The following MAN1A1 variants were observed in gnomAD, a reference collection of about 807,000 sequenced individuals.
MAN1A1 encodes the protein mannosyl-oligosaccharide 1,2-alpha-mannosidase IA.
A neutral mutation model predicts 70.8 loss-of-function variants in MAN1A1; 29 were observed. The observed-to-expected ratio is 0.41, with a 90% CI of 0.31 to 0.56. The LOEUF is 0.56. Ranked by LOEUF, MAN1A1 falls within the 20% of genes least tolerant of loss-of-function variation. The pLI, the probability that MAN1A1 is intolerant of heterozygous loss-of-function variation, is 0.29. For synonymous variants in MAN1A1, 349 were observed against 330.1 expected (o/e 1.06, Z -0.62); for missense variants, 747 against 841.3 (o/e 0.89, Z 1.39).
chr6:119,255,520 C>A (rs1403655707), intron 5 of MAN1A1, among the ~76,000 whole-genome samples: 2 of 152,106 alleles, frequency 1.3e-5, no homozygotes. Flanking sequence ...TTAGAGTAGA[C>A]CCTTGAAAGA....
chr6:119,251,482 TTTACCCA>T (rs2114330924), intron 5 of MAN1A1, among the ~76,000 whole-genome samples: 1 of 152,314 alleles, frequency 6.6e-6, no homozygotes, highest in East Asian at 1.9e-4. Context: ...CTGATCCAAA[TTTACCCA>T]TTCTTTAAGG....
intron 2 of MAN1A1, among the ~76,000 whole-genome samples, chr6:119,341,354 G>A (rs1266420006): frequency 6.6e-6 from 1 of 152,170 alleles, no homozygotes; most frequent in Non-Finnish European, 1.5e-5. Context: ...TAGGGCTGAG[G>A]AGGAGGGAGG....
chr6:119,255,523 T>C (rs1335380837), intron 5 of MAN1A1, among the ~76,000 whole-genome samples: 3 of 152,188 alleles, frequency 2.0e-5, no homozygotes, highest in Non-Finnish European at 4.4e-5. Context: ...GAGTAGACCC[T>C]TGAAAGATTT....
chr6:119,265,118 T>TA, intron 5 of MAN1A1, among the ~76,000 whole-genome samples: 1 of 143,248 alleles, frequency 7.0e-6, no homozygotes, highest in East Asian at 2.2e-4. Flanking sequence ...TTTTTTTTTT[T>TA]AAGACAAGGT....
intron 2 of MAN1A1, among the ~76,000 whole-genome samples, chr6:119,342,336 A>T (rs1398561503): frequency 6.6e-6 from 1 of 152,190 alleles, no homozygotes; most frequent in Non-Finnish European, 1.5e-5. Flanking sequence ...CAGCATATGG[A>T]TCAATGCAAT....
chr6:119,290,892 G>C, intron 4 of MAN1A1, 129 bp from the exon 5 acceptor site: 1 of 594,288 alleles, frequency 1.7e-6, no homozygotes. Flanking sequence ...ATATACAGGG[G>C]GAAATGTTCT....
At chr6:119,328,535 G>A (rs1203001738) in intron 2 of MAN1A1, among the ~76,000 whole-genome samples, 1 of 145,302 alleles carries the variant, frequency 6.9e-6, no homozygotes, top group Non-Finnish European at 1.5e-5. Context: ...AAAACAAAGT[G>A]AGTCATAAAA....
At chr6:119,218,560 A>T (rs577252712) in intron 6 of MAN1A1, among the ~76,000 whole-genome samples, 128 of 145,434 alleles carry the variant, frequency 8.8e-4, no homozygotes, top group African/African-American at 3.1e-3. Flanking sequence ...TAACATCGAT[A>T]AAAAAAAAAA....
At chr6:119,325,239 C>T (rs1176302536) in intron 2 of MAN1A1, among the ~76,000 whole-genome samples, 2 of 152,192 alleles carry the variant, frequency 1.3e-5, no homozygotes, top group Non-Finnish European at 2.9e-5. Flanking sequence ...TCACTGGACA[C>T]ATCAAAGAGC....
chr6:119,187,837 C>G (rs1299070518), intron 11 of MAN1A1, among the ~76,000 whole-genome samples: 1 of 152,144 alleles, frequency 6.6e-6, no homozygotes, highest in Non-Finnish European at 1.5e-5. Context: ...ATACTATCCT[C>G]AGCAGGAAGA....
chr6:119,196,477 C>T (rs1046706192), intron 8 of MAN1A1, among the ~76,000 whole-genome samples: 1 of 151,988 alleles, frequency 6.6e-6, no homozygotes, highest in Non-Finnish European at 1.5e-5. Flanking sequence ...GGAGAGCAGG[C>T]CCGAATTTAT....
At chr6:119,325,403 A>C (rs1773119568) in intron 2 of MAN1A1, among the ~76,000 whole-genome samples, 1 of 152,214 alleles carries the variant, frequency 6.6e-6, no homozygotes, top group South Asian at 2.1e-4. Context: ...CACACCTATA[A>C]TCCCAGCACT....
intron 2 of MAN1A1, among the ~76,000 whole-genome samples, chr6:119,320,451 A>G (rs548130961): frequency 4.6e-4 from 70 of 152,240 alleles, no homozygotes; most frequent in Non-Finnish European, 8.7e-4. Flanking sequence ...GAGAAAACAG[A>G]AGTTTTTCTC....
chr6:119,337,313 A>G (rs773208300), intron 2 of MAN1A1, among the ~76,000 whole-genome samples: 18 of 152,216 alleles, frequency 1.2e-4, no homozygotes, highest in Non-Finnish European at 2.5e-4. Flanking sequence ...GAGTATATAC[A>G]TTAGAAAGGA....
At chr6:119,243,166 T>C (rs1388554600) in intron 6 of MAN1A1, among the ~76,000 whole-genome samples, 1 of 152,126 alleles carries the variant, frequency 6.6e-6, no homozygotes, top group Non-Finnish European at 1.5e-5. Context: ...ATATCACTGC[T>C]ACAGAACATT....
chr6:119,342,243 A>G (rs1237891021), intron 2 of MAN1A1, among the ~76,000 whole-genome samples: 1 of 152,194 alleles, frequency 6.6e-6, no homozygotes, highest in Admixed American at 6.5e-5. Context: ...CTGGAAATGT[A>G]TCCCTTTAAG....
At chr6:119,291,063 C>G (rs1464916513) in intron 4 of MAN1A1, among the ~76,000 whole-genome samples, 1 of 151,872 alleles carries the variant, frequency 6.6e-6, no homozygotes, top group Non-Finnish European at 1.5e-5. Context: ...GTGTCCCCAC[C>G]CAAATCTCAT....
At chr6:119,309,854 C>T (rs1008938675) in intron 2 of MAN1A1, among the ~76,000 whole-genome samples, 3 of 149,486 alleles carry the variant, frequency 2.0e-5, no homozygotes, top group Non-Finnish European at 4.5e-5. Context: ...TGACTCCATG[C>T]TTATAAGAAA....
At chr6:119,255,522 C>G (rs781595399) in intron 5 of MAN1A1, among the ~76,000 whole-genome samples, 6 of 152,172 alleles carry the variant, frequency 3.9e-5, no homozygotes, top group African/African-American at 7.2e-5. Context: ...AGAGTAGACC[C>G]TTGAAAGATT....
Sources: gnomAD v4.1 joint callset for allele counts (sites outside exome capture counted in the v4.1 genomes callset) on GRCh38, gnomAD v4.1.1 for gene constraint, MANE v1.5 for transcripts, NCBI Gene and HGNC (gene_info 2026-07-23, HGNC 2026-07-21) for gene names.